The following NTNG1 variants were observed in gnomAD, a reference collection of about 807,000 sequenced individuals.
NTNG1 encodes the protein netrin G1.
In NTNG1, 16 loss-of-function variants were observed where a neutral mutation model predicts 54.0. The ratio of observed to expected loss-of-function variants is 0.30; its 90% CI spans 0.20 to 0.45. The LOEUF (loss-of-function observed/expected upper bound fraction) is 0.45, where lower values mean the gene tolerates loss of function less well. NTNG1 is among the 20% of genes least tolerant of loss of function. The pLI, the probability that NTNG1 is intolerant of heterozygous loss-of-function variation, is 1.00. For missense variants in NTNG1, 530 were observed against 678.7 expected (o/e 0.78, Z 2.43); for synonymous variants, 255 against 263.1 (o/e 0.97, Z 0.30).
chr1:107,323,835 T>G (rs1210304879), intron 2 of NTNG1, among the ~76,000 whole-genome samples: 1 of 152,102 alleles, frequency 6.6e-6, no homozygotes, highest in East Asian at 1.9e-4. Context: ...AACACAGGTA[T>G]CTATGGTTCA....
chr1:107,302,085 T>G (rs1666354148), intron 2 of NTNG1, among the ~76,000 whole-genome samples: 1 of 152,178 alleles, frequency 6.6e-6, no homozygotes. Context: ...CCTTATTTCC[T>G]AGGACCAACG....
At chr1:107,275,057 T>G (rs1458362064) in intron 2 of NTNG1, among the ~76,000 whole-genome samples, 1 of 152,124 alleles carries the variant, frequency 6.6e-6, no homozygotes, top group Non-Finnish European at 1.5e-5. Flanking sequence ...ACAGGGCATG[T>G]GTACGTGTGT....
intron 3 of NTNG1, among the ~76,000 whole-genome samples, chr1:107,363,972 A>T (rs1488709417): frequency 6.6e-6 from 1 of 152,072 alleles, no homozygotes; most frequent in African/African-American, 2.4e-5. Context: ...TTATTTTCTG[A>T]TGCTGCACAG....
chr1:107,235,486 G>C (rs987107309), intron 2 of NTNG1, among the ~76,000 whole-genome samples: 1 of 152,164 alleles, frequency 6.6e-6, no homozygotes, highest in African/African-American at 2.4e-5. Flanking sequence ...TGTTATGGAT[G>C]TGAAAAATGC....
In NTNG1 at chr1:107,190,321, T is replaced by A. The variant is rs78097572; in HGVS notation, c.246+41482T>A. Among the ~76,000 whole-genome samples, 1,214 of 152,266 alleles carry A rather than the reference T, an allele frequency of 8.0e-3. 19 individuals are homozygous for A. The highest frequency in any genetic ancestry group is 0.027 in the African/African-American group (1,126 of 41,564). On this transcript the variant is annotated intron_variant, in intron 2 of 7. Transcript: ENST00000370068. ...GGTTAAGATGGTAAGTTTTATGTTG[T>A]GTTTATTTTACCACAATTAAAAACA...
chr1:107,211,168 G>A (rs2101380387), intron 2 of NTNG1, among the ~76,000 whole-genome samples: 1 of 152,242 alleles, frequency 6.6e-6, no homozygotes, highest in South Asian at 2.1e-4. Flanking sequence ...AGTGTTGGGT[G>A]AATTGTAGAA....
intron 3 of NTNG1, among the ~76,000 whole-genome samples, chr1:107,330,606 G>C (rs913691184): frequency 1.3e-5 from 2 of 152,078 alleles, no homozygotes; most frequent in East Asian, 1.9e-4. Flanking sequence ...ACTGAAACAG[G>C]CTTTTAGTTA....
intron 2 of NTNG1, 92 bp downstream of exon 2, chr1:107,148,931 A>C: frequency 7.7e-7 from 1 of 1,292,768 alleles, no homozygotes; most frequent in Non-Finnish European, 1.1e-6. Flanking sequence ...CAATTCATGC[A>C]ATAAGTTGAA....
intron 3 of NTNG1, among the ~76,000 whole-genome samples, chr1:107,357,817 G>A (rs1012113416): frequency 1.3e-5 from 2 of 152,038 alleles, no homozygotes; most frequent in Non-Finnish European, 2.9e-5. Context: ...ATAATGGTGA[G>A]TTGATCTGAA....
intron 2 of NTNG1, among the ~76,000 whole-genome samples, chr1:107,293,563 A>C (rs1159091328): frequency 6.6e-6 from 1 of 152,200 alleles, no homozygotes; most frequent in African/African-American, 2.4e-5. Flanking sequence ...CATATGTGGA[A>C]CATTAGAGTA....
chr1:107,465,578 A>G (rs1677550900), intron 7 of NTNG1, among the ~76,000 whole-genome samples: 1 of 152,242 alleles, frequency 6.6e-6, no homozygotes, highest in South Asian at 2.1e-4. Context: ...GAAGGCTTAA[A>G]CACTCACAGA....
chr1:107,187,308 T>C (rs1389807941), intron 2 of NTNG1, among the ~76,000 whole-genome samples: 1 of 152,138 alleles, frequency 6.6e-6, no homozygotes, highest in Non-Finnish European at 1.5e-5. Context: ...AATAAGTAAT[T>C]GATGAATAAA....
chr1:107,183,894 C>T (rs1019484636), intron 2 of NTNG1, among the ~76,000 whole-genome samples: 4 of 152,084 alleles, frequency 2.6e-5, no homozygotes, highest in Admixed American at 2.6e-4. Flanking sequence ...AACTAGTAGT[C>T]CTATGTGATC....
chr1:107,286,661 C>T (rs1665222310), intron 2 of NTNG1, among the ~76,000 whole-genome samples: 1 of 152,134 alleles, frequency 6.6e-6, no homozygotes, highest in African/African-American at 2.4e-5. Context: ...ATTCAGTTCT[C>T]TTTTGCAATT....
intron 2 of NTNG1, among the ~76,000 whole-genome samples, chr1:107,261,279 A>G (rs952102070): frequency 1.3e-5 from 2 of 152,202 alleles, no homozygotes; most frequent in Admixed American, 1.3e-4. Context: ...ATGTTACACA[A>G]ACATAAAAAT....
intron 7 of NTNG1, among the ~76,000 whole-genome samples, chr1:107,441,604 A>G (rs1282627409): frequency 2.0e-5 from 3 of 152,232 alleles, no homozygotes; most frequent in Non-Finnish European, 4.4e-5. Context: ...TTGGGCCCAC[A>G]CATGTAATCT....
intron 7 of NTNG1, among the ~76,000 whole-genome samples, chr1:107,473,353 G>C (rs1400326148): frequency 1.3e-5 from 2 of 152,182 alleles, no homozygotes; most frequent in African/African-American, 4.8e-5. Context: ...GGATCATCAT[G>C]ACCTTAGGGG....
intron 2 of NTNG1, among the ~76,000 whole-genome samples, chr1:107,297,114 C>A (rs1003230549): frequency 7.9e-6 from 1 of 126,746 alleles, no homozygotes; most frequent in Non-Finnish European, 1.7e-5. Flanking sequence ...CACACACACA[C>A]AAACACACAC....
intron 7 of NTNG1, among the ~76,000 whole-genome samples, chr1:107,445,276 G>T (rs1570977227): frequency 6.6e-6 from 1 of 152,094 alleles, no homozygotes; most frequent in Admixed American, 6.6e-5. Context: ...TCAATCATCA[G>T]CCTTTGAATT....
Sources: allele counts gnomAD v4.1 joint callset (sites outside exome capture counted in the v4.1 genomes callset), GRCh38; gene constraint gnomAD v4.1.1; transcripts MANE v1.5; gene names NCBI Gene and HGNC (gene_info 2026-07-23, HGNC 2026-07-21).